Variants in EPHB2 observed in about 807,000 individuals in gnomAD.
The protein encoded by EPHB2 is ephrin type-B receptor 2.
A neutral mutation model predicts 96.4 loss-of-function variants in EPHB2; 18 were observed. The observed-to-expected ratio is 0.19, with a 90% CI of 0.13 to 0.28. EPHB2 has a LOEUF of 0.28. Among genes scored for constraint, EPHB2 ranks in the 10% least tolerant of loss-of-function variants. EPHB2 has a pLI of 1.00. For missense variants in EPHB2, 989 were observed against 1,355.4 expected (o/e 0.73, Z 4.25); for synonymous variants, 506 against 534.1 (o/e 0.95, Z 0.72).
At chr1:22,845,178 G>A (rs1056052807) in intron 3 of EPHB2, among the ~76,000 whole-genome samples, 1 of 152,178 alleles carries the variant, frequency 6.6e-6, no homozygotes, top group Admixed American at 6.5e-5. Flanking sequence ...ACCACTCACT[G>A]CATCAGTGAC....
At chr1:22,736,667 T>A (rs1643837002) in intron 1 of EPHB2, among the ~76,000 whole-genome samples, 1 of 152,188 alleles carries the variant, frequency 6.6e-6, no homozygotes, top group African/African-American at 2.4e-5. Flanking sequence ...GCGGCATGTT[T>A]GCGCCGCTGA....
At chr1:22,759,274 G>T (rs1436471091) in intron 1 of EPHB2, among the ~76,000 whole-genome samples, 2 of 152,142 alleles carry the variant, frequency 1.3e-5, no homozygotes, top group Admixed American at 6.5e-5. Flanking sequence ...TATCTCATCT[G>T]TAAAATGGGG....
At chr1:22,752,750 T>C (rs1644083723) in intron 1 of EPHB2, among the ~76,000 whole-genome samples, 2 of 151,762 alleles carry the variant, frequency 1.3e-5, no homozygotes, top group South Asian at 2.1e-4. Context: ...TTATAAAGTA[T>C]ATATTTATAC....
Position 22,733,428 on chromosome 1 carries a change from C to T in EPHB2, c.61+22385C>T, listed in dbSNP as rs1643759882. On this transcript the variant is annotated intron_variant, in intron 1 of 15. Transcript: ENST00000374630. This position sits in a 1 kb window ranked among gnomAD's most constrained non-coding sequence, Gnocchi z 4.6. ...AAGAGGATAAGGACCTGTGCAAAGT[C>T]ACACAGTGATGAGTGATGATATGAA... Among the ~76,000 whole-genome samples, 2 of 152,156 alleles carry T rather than the reference C, an allele frequency of 1.3e-5. No individual in the cohort carries two copies. Among genetic ancestry groups the T allele is most frequent in the African/African-American group, 4.8e-5 (2 of 41,422 alleles).
chr1:22,841,193 C>T (rs764302542), intron 3 of EPHB2, among the ~76,000 whole-genome samples: 16 of 152,190 alleles, frequency 1.1e-4, no homozygotes, highest in African/African-American at 3.6e-4. Flanking sequence ...TATTAGTAGA[C>T]GAATGGCAGC....
intron 3 of EPHB2, among the ~76,000 whole-genome samples, chr1:22,834,454 A>G (rs1368452272): frequency 6.6e-6 from 1 of 152,218 alleles, no homozygotes; most frequent in African/African-American, 2.4e-5. Context: ...TATGTAAAAC[A>G]TGTCAATTTG....
chr1:22,897,966 G>A (rs1397341483), intron 9 of EPHB2, among the ~76,000 whole-genome samples: 3 of 151,780 alleles, frequency 2.0e-5, no homozygotes, highest in African/African-American at 7.3e-5. Context: ...AGCTGGGTGT[G>A]GTCATGTACG....
chr1:22,758,816 C>G (rs1022822331), intron 1 of EPHB2, among the ~76,000 whole-genome samples: 1 of 151,688 alleles, frequency 6.6e-6, no homozygotes, highest in African/African-American at 2.4e-5. Context: ...TCCTCATTCC[C>G]CAGCACAGAG....
At chr1:22,713,268 G>A (rs939828684) in intron 1 of EPHB2, among the ~76,000 whole-genome samples, 1 of 152,156 alleles carries the variant, frequency 6.6e-6, no homozygotes, top group African/African-American at 2.4e-5. Context: ...CCGAATGGAT[G>A]GGGAGATGGT....
chr1:22,897,099 C>T (rs2675496), intron 9 of EPHB2, among the ~76,000 whole-genome samples: 9,754 of 152,190 alleles, frequency 0.064, 990 homozygotes, highest in African/African-American at 0.22. Flanking sequence ...GGCCTCTTCC[C>T]CTTACCCAGT....
At chr1:22,765,103 A>C (rs2817885) in intron 1 of EPHB2, among the ~76,000 whole-genome samples, 149,574 of 152,160 alleles carry the variant, frequency 0.98, 73,563 homozygotes, top group Non-Finnish European at 1. Flanking sequence ...GGTGAGGGTG[A>C]GGAGCCGGAC....
Position 22,713,075 on chromosome 1 carries a change from G to A in EPHB2, c.61+2032G>A, listed in dbSNP as rs576807291. Among the ~76,000 whole-genome samples the A allele has an allele frequency of 1.5e-3, 235 of 152,212 alleles. 1 individual carries two copies. The highest frequency in any genetic ancestry group is 2.8e-4 in the Non-Finnish European group (19 of 68,000). On this transcript the variant is annotated intron_variant, in intron 1 of 15. Coordinates refer to ENST00000374630, the MANE Select transcript of EPHB2 (RefSeq NM_017449.5). ...CTGGCCCTGGACACAGGGCTGGTGGGCGCTGACGTCACAGGAGGGTATGGC... is the reference window on the plus strand; with the variant it reads ...CTGGCCCTGGACACAGGGCTGGTGGACGCTGACGTCACAGGAGGGTATGGC...
chr1:22,813,785 A>G (rs1045093950), intron 3 of EPHB2, among the ~76,000 whole-genome samples: 1 of 152,206 alleles, frequency 6.6e-6, no homozygotes, highest in Non-Finnish European at 1.5e-5. Context: ...TGCCCAGAGC[A>G]CTGGGCACCC....
chr1:22,758,503 G>T (rs1487377854), intron 1 of EPHB2, among the ~76,000 whole-genome samples: 3 of 152,036 alleles, frequency 2.0e-5, no homozygotes, highest in Non-Finnish European at 4.4e-5. Context: ...TCATTTGCAT[G>T]AGCACTGCCT....
chr1:22,854,685 G>A (rs1645674093), intron 3 of EPHB2, among the ~76,000 whole-genome samples: 1 of 152,134 alleles, frequency 6.6e-6, no homozygotes, highest in Non-Finnish European at 1.5e-5. Flanking sequence ...ATGGACCAGG[G>A]AGGCTCCTGG....
At chr1:22,782,265 G>A (rs531191724) in intron 2 of EPHB2, among the ~76,000 whole-genome samples, 1 of 152,320 alleles carries the variant, frequency 6.6e-6, no homozygotes, top group South Asian at 2.1e-4. Flanking sequence ...CCTGCAAAGT[G>A]TCTAACACAA....
chr1:22,732,631 C>G (rs895664924), intron 1 of EPHB2, among the ~76,000 whole-genome samples: 1 of 152,116 alleles, frequency 6.6e-6, no homozygotes, highest in Non-Finnish European at 1.5e-5. Flanking sequence ...TTTTGCCTAG[C>G]AGGTAAATAT....
chr1:22,718,566 T>C (rs1437006687), intron 1 of EPHB2, among the ~76,000 whole-genome samples: 1 of 151,768 alleles, frequency 6.6e-6, no homozygotes, highest in Non-Finnish European at 1.5e-5. Flanking sequence ...TTTTGTATAT[T>C]TTAGTAGAGA....
At chr1:22,807,449 T>C (rs760006092) in intron 3 of EPHB2, among the ~76,000 whole-genome samples, 5 of 152,156 alleles carry the variant, frequency 3.3e-5, no homozygotes, top group Middle Eastern at 3.2e-3. Flanking sequence ...AGAACCAGCA[T>C]TTAAGGTCAA....
Sources: gnomAD v4.1 joint callset for allele counts (sites outside exome capture counted in the v4.1 genomes callset) on GRCh38, gnomAD v4.1.1 for gene constraint, Gnocchi (gnomAD v3.1) non-coding constraint, MANE v1.5 for transcripts, NCBI Gene and HGNC (gene_info 2026-07-23, HGNC 2026-07-21) for gene names.